The following SLC1A3 variants were observed in gnomAD, a reference collection of about 807,000 sequenced individuals.
The protein encoded by SLC1A3 is excitatory amino acid transporter 1.
In SLC1A3, 21 loss-of-function variants were observed where a neutral mutation model predicts 48.1. The observed-to-expected ratio is 0.44, with a 90% CI of 0.31 to 0.63. The LOEUF is 0.63. SLC1A3 is among the 20% of genes least tolerant of loss of function. The probability of loss-of-function intolerance (pLI) is 0.08; values close to 1 mark genes in which losing one functional copy is unlikely to be tolerated. For missense variants in SLC1A3, 546 were observed against 689.0 expected (o/e 0.79, Z 2.32); for synonymous variants, 239 against 251.4 (o/e 0.95, Z 0.47).
chr5:36,647,779 T>C (rs936191725), intron 3 of SLC1A3, among the ~76,000 whole-genome samples: 1 of 152,236 alleles, frequency 6.6e-6, no homozygotes, highest in Non-Finnish European at 1.5e-5. Flanking sequence ...GGGATCCATT[T>C]TGTTTTATTT....
At chr5:36,629,230 G>T (rs1244999712) in intron 2 of SLC1A3, among the ~76,000 whole-genome samples, 1 of 152,022 alleles carries the variant, frequency 6.6e-6, no homozygotes, top group Non-Finnish European at 1.5e-5. Context: ...ACTAGAAAGA[G>T]TTTTTTTCTA....
At chr5:36,631,644 G>GTGC (rs1411478238) in intron 3 of SLC1A3, among the ~76,000 whole-genome samples, 5 of 152,348 alleles carry the variant, frequency 3.3e-5, no homozygotes, top group Non-Finnish European at 7.3e-5. Flanking sequence ...GTCCAGGACT[G>GTGC]TGCTAAGGCA....
At chr5:36,603,082 C>T (rs565236887), upstream of SLC1A3, among the ~76,000 whole-genome samples, 4 of 152,196 alleles carry the variant, frequency 2.6e-5, no homozygotes, top group East Asian at 1.9e-4. Context: ...TTACCTAAAA[C>T]GAAAATTACT....
At chr5:36,664,969 A>G (rs13171136) in intron 3 of SLC1A3, among the ~76,000 whole-genome samples, 1 of 152,140 alleles carries the variant, frequency 6.6e-6, no homozygotes, top group Non-Finnish European at 1.5e-5. Flanking sequence ...GGCCTTCCTG[A>G]GCAGCTTAGG....
chr5:36,626,866 C>T (rs964320508), intron 2 of SLC1A3, among the ~76,000 whole-genome samples: 2 of 151,892 alleles, frequency 1.3e-5, no homozygotes, highest in African/African-American at 2.4e-5. Context: ...AGATTGGGTT[C>T]CAGGAAGATT....
At chr5:36,603,083 G>A (rs138302263), upstream of SLC1A3, among the ~76,000 whole-genome samples, 462 of 152,280 alleles carry the variant, frequency 3.0e-3, 2 homozygotes, top group Admixed American at 4.7e-3. Context: ...TACCTAAAAC[G>A]AAAATTACTT....
intron 2 of SLC1A3, among the ~76,000 whole-genome samples, chr5:36,622,334 G>A (rs889672482): frequency 6.6e-6 from 1 of 152,194 alleles, no homozygotes; most frequent in South Asian, 2.1e-4. Context: ...TTTTCTGGAA[G>A]ATTTGGCGTA....
At chr5:36,637,769 ACT>A (rs1052785781) in intron 3 of SLC1A3, among the ~76,000 whole-genome samples, 3 of 152,136 alleles carry the variant, frequency 2.0e-5, no homozygotes, top group Non-Finnish European at 4.4e-5. Context: ...GAAGTGAGAC[ACT>A]GTCTTAGGCT....
upstream of SLC1A3, among the ~76,000 whole-genome samples, chr5:36,604,976 C>T (rs1243743611): frequency 6.7e-6 from 1 of 149,710 alleles, no homozygotes; most frequent in Non-Finnish European, 1.5e-5. Flanking sequence ...TAAATAAATG[C>T]TTTTAAAAGT....
At chr5:36,619,599 A>C (rs1171707116) in intron 2 of SLC1A3, among the ~76,000 whole-genome samples, 1 of 152,186 alleles carries the variant, frequency 6.6e-6, no homozygotes, top group Non-Finnish European at 1.5e-5. Context: ...ACAGAGTAAG[A>C]CCCTAGCTCT....
intron 3 of SLC1A3, among the ~76,000 whole-genome samples, chr5:36,641,312 T>C (rs1189022011): frequency 2.0e-5 from 3 of 152,162 alleles, no homozygotes; most frequent in Non-Finnish European, 2.9e-5. Flanking sequence ...GCCTCTAATA[T>C]TGGTAATTCT....
chr5:36,667,594 T>G (rs1741805018), intron 3 of SLC1A3: 1 of 152,214 alleles, frequency 6.6e-6, no homozygotes, highest in South Asian at 2.1e-4. Flanking sequence ...TTTCTTCACC[T>G]ATAATATAGT....
chr5:36,608,492 T>A lies in SLC1A3; in HGVS notation c.69T>A (p.Arg23=), dbSNP rs140080134. ...TGGAGAGATTCCAGCAGGGAGTCCG[T>A]AAACGCACACTTTTGGCCAAGAAGA... ...GRMERFQQGV[R]KRTLLAKKKV... is the part of the protein sequence containing the mutation. The change falls in exon 2 of 10, where the codon CGT becomes CGA. Residue 23 remains arginine (R), a synonymous_variant. Coordinates refer to ENST00000265113, the MANE Select transcript of SLC1A3 (RefSeq NM_004172.5). 2.1e-3 allele frequency: 3,412 copies of A among 1,614,020 alleles called. 31 individuals are homozygous for A. Among genetic ancestry groups the A allele is most frequent in the Non-Finnish European group, 1.2e-3 (1,466 of 1,179,906 alleles).
At chr5:36,618,125 TTCAGGA>T (rs1739522458) in intron 2 of SLC1A3, among the ~76,000 whole-genome samples, 3 of 152,192 alleles carry the variant, frequency 2.0e-5, no homozygotes, top group Non-Finnish European at 4.4e-5. Flanking sequence ...AAACTGCAAT[TTCAGGA>T]TAGAATCAGG....
intron 2 of SLC1A3, chr5:36,608,864 C>T (rs1305025281): frequency 2.5e-6 from 3 of 1,214,670 alleles, no homozygotes; most frequent in Admixed American, 4.0e-5. Context: ...AATATTTTCC[C>T]ATTTCATGTA....
chr5:36,600,742 T>G (rs2111629954), intron 1 of SLC1A3, among the ~76,000 whole-genome samples: 1 of 152,312 alleles, frequency 6.6e-6, no homozygotes, highest in Non-Finnish European at 1.5e-5. Context: ...TCTTTCAGCT[T>G]AGAATCAATC....
upstream of SLC1A3, among the ~76,000 whole-genome samples, chr5:36,603,327 G>A (rs568735099): frequency 2.4e-4 from 37 of 152,288 alleles, no homozygotes; most frequent in African/African-American, 8.4e-4. Context: ...TGGTAAATAG[G>A]CCTCAGCACA....
chr5:36,685,564 C>G (rs939697702), intron 9 of SLC1A3, among the ~76,000 whole-genome samples: 1 of 152,182 alleles, frequency 6.6e-6, no homozygotes, highest in Non-Finnish European at 1.5e-5. Context: ...GTGTGAGCCA[C>G]GGTGCCCGGC....
intron 3 of SLC1A3, among the ~76,000 whole-genome samples, chr5:36,640,111 A>G (rs1740555060): frequency 6.6e-6 from 1 of 152,192 alleles, no homozygotes; most frequent in African/African-American, 2.4e-5. Flanking sequence ...TCCAGAGGAC[A>G]GTTCTGTTTT....
Sources: allele counts gnomAD v4.1 joint callset (sites outside exome capture counted in the v4.1 genomes callset), GRCh38; gene constraint gnomAD v4.1.1; transcripts MANE v1.5; gene names NCBI Gene and HGNC (gene_info 2026-07-23, HGNC 2026-07-21).